The following SHISA6 variants were observed in gnomAD, a reference collection of about 807,000 sequenced individuals.
SHISA6 encodes the protein protein shisa-6.
In SHISA6, 22 loss-of-function variants were observed where a neutral mutation model predicts 47.9. That is an observed-to-expected ratio of 0.46 (90% CI 0.33 to 0.66). SHISA6 has a LOEUF of 0.66. SHISA6 is among the 30% of genes least tolerant of loss of function. The probability of loss-of-function intolerance (pLI) is 0.02; values close to 1 mark genes in which losing one functional copy is unlikely to be tolerated. For missense variants in SHISA6, 680 were observed against 764.6 expected, an observed-to-expected ratio of 0.89 and a Z score of 1.30; for synonymous variants, 388 against 337.8, an observed-to-expected ratio of 1.15 and a Z score of -1.63.
intron 1 of SHISA6, among the ~76,000 whole-genome samples, chr17:11,251,254 A>AG (rs77760069): frequency 0.97 from 148,149 of 152,082 alleles, 72,282 homozygotes; most frequent in East Asian, 1. Context: ...CCTACCTATG[A>AG]GGGCTCTGTG....
chr17:11,492,007 G>T (rs1221433819), intron 3 of SHISA6, among the ~76,000 whole-genome samples: 2 of 152,106 alleles, frequency 1.3e-5, no homozygotes, highest in Non-Finnish European at 2.9e-5. Flanking sequence ...TTGACCTCAT[G>T]ATCCACCCTC....
chr17:11,402,111 T>G (rs573616517), intron 3 of SHISA6, among the ~76,000 whole-genome samples: 1 of 152,284 alleles, frequency 6.6e-6, no homozygotes, highest in East Asian at 1.9e-4. Flanking sequence ...TAGGCTGCAG[T>G]TCTACTCTCT....
chr17:11,397,818 G>A (rs904548891), intron 3 of SHISA6, among the ~76,000 whole-genome samples: 5 of 151,868 alleles, frequency 3.3e-5, no homozygotes, highest in East Asian at 1.9e-4. Context: ...TGATGATTCC[G>A]AGTACATTTT....
At chr17:11,320,669 A>AAGAGAG (rs59186157) in intron 2 of SHISA6, among the ~76,000 whole-genome samples, 1 of 48,938 alleles carries the variant, frequency 2.0e-5, no homozygotes, top group Non-Finnish European at 6.2e-5. Flanking sequence ...CAAAAAAAAA[A>AAGAGAG]AGAGAGAGAG....
intron 3 of SHISA6, among the ~76,000 whole-genome samples, chr17:11,445,891 AAT>A (rs1915216448): frequency 6.6e-6 from 1 of 152,142 alleles, no homozygotes; most frequent in Non-Finnish European, 1.5e-5. Flanking sequence ...GCAGTGGTGC[AAT>A]CTTGGCTCAC....
At chr17:11,495,477 C>T (rs2908974) in intron 3 of SHISA6, among the ~76,000 whole-genome samples, 60,468 of 151,838 alleles carry the variant, frequency 0.4, 12,065 homozygotes, top group East Asian at 0.53. Context: ...TGCAGAGGGG[C>T]ATGGCTGGCC....
chr17:11,552,086 G>A lies in SHISA6; in HGVS notation c.952+134G>A. 4.5e-6 allele frequency: 4 copies of A among 898,196 alleles called. No homozygotes were observed. In the East Asian group the frequency reaches 1.1e-4, roughly 24 times the overall value. The allele number at this position is 898,196 out of a possible 1,614,324, so 55.6% of individuals were successfully genotyped here. A position where few individuals can be genotyped will look rare whatever the true frequency, so the allele number is the denominator to read the frequency against. On this transcript the variant is annotated intron_variant, in intron 4 of 5. Coordinates refer to ENST00000441885, the MANE Select transcript of SHISA6 (RefSeq NM_207386.4). Reference sequence around the variant, plus strand: ...GCTAAGGAGGTCCAAGGAGCCACAGGCTCGCCCTCCTCCAGGGCCACAATG... The same window carrying A: ...GCTAAGGAGGTCCAAGGAGCCACAGACTCGCCCTCCTCCAGGGCCACAATG...
At chr17:11,347,442 C>A (rs1911737614) in intron 2 of SHISA6, among the ~76,000 whole-genome samples, 3 of 152,112 alleles carry the variant, frequency 2.0e-5, no homozygotes, top group Admixed American at 1.3e-4. Flanking sequence ...TTAGAGAGAA[C>A]CTTTTCAATT....
intron 3 of SHISA6, among the ~76,000 whole-genome samples, chr17:11,432,302 C>T (rs1914802510): frequency 6.6e-6 from 1 of 152,178 alleles, no homozygotes; most frequent in Non-Finnish European, 1.5e-5. Context: ...TCCTCTGAGT[C>T]AGTGAGAATG....
intron 4 of SHISA6, among the ~76,000 whole-genome samples, 153 bp downstream of exon 4, chr17:11,552,105 C>T (rs775712066): frequency 3.3e-5 from 5 of 152,146 alleles, no homozygotes; most frequent in Non-Finnish European, 7.3e-5. Flanking sequence ...CCTCCAGGGC[C>T]ACAATGCTCT....
chr17:11,499,675 T>C (rs150495979), intron 3 of SHISA6, among the ~76,000 whole-genome samples: 244 of 142,428 alleles, frequency 1.7e-3, no homozygotes, highest in African/African-American at 6.2e-3. Context: ...AATCTATTCT[T>C]TTTCTTTCTT....
chr17:11,325,746 A>G lies in SHISA6; in HGVS notation c.800-53668A>G, dbSNP rs190174480. 3.8e-3 allele frequency among the ~76,000 whole-genome samples: 577 copies of G among 152,080 alleles called. 4 individuals are homozygous for G. Among genetic ancestry groups the G allele is most frequent in the South Asian group, 0.014 (66 of 4,796 alleles). ...TCAAGAGACATTGATTTGGGTAGCT[A>G]AACTGGGAAAAATTACTTCCTCCCT... On this transcript the variant is annotated intron_variant, in intron 2 of 5. Transcript: ENST00000441885.
chr17:11,537,114 T>C (rs2071794549), intron 3 of SHISA6, among the ~76,000 whole-genome samples: 1 of 141,308 alleles, frequency 7.1e-6, no homozygotes, highest in Non-Finnish European at 1.6e-5. Flanking sequence ...TCAAGCAGAA[T>C]TGAAAATGAA....
At chr17:11,502,237 G>A (rs1431325638) in intron 3 of SHISA6, among the ~76,000 whole-genome samples, 6 of 149,798 alleles carry the variant, frequency 4.0e-5, no homozygotes, top group African/African-American at 1.2e-4. Context: ...GTGAAACCCC[G>A]TCTCTACTAA....
intron 3 of SHISA6, among the ~76,000 whole-genome samples, chr17:11,428,837 T>G (rs1597508587): frequency 6.9e-6 from 1 of 144,324 alleles, no homozygotes; most frequent in African/African-American, 2.6e-5. Flanking sequence ...CAGGCTGGAG[T>G]GCAGTGGCAC....
chr17:11,495,603 C>T (rs572765475), intron 3 of SHISA6, among the ~76,000 whole-genome samples: 1 of 152,306 alleles, frequency 6.6e-6, no homozygotes, highest in South Asian at 2.1e-4. Context: ...CTTAGGGTGG[C>T]TGCCTACCAG....
chr17:11,336,797 C>T (rs1911337207), intron 2 of SHISA6, among the ~76,000 whole-genome samples: 1 of 152,176 alleles, frequency 6.6e-6, no homozygotes. Context: ...GGAGCCGGCA[C>T]ATTGTGATAC....
chr17:11,317,657 C>T (rs1052870767), intron 2 of SHISA6, among the ~76,000 whole-genome samples: 1 of 151,352 alleles, frequency 6.6e-6, no homozygotes, highest in Non-Finnish European at 1.5e-5. Flanking sequence ...TACTTGGGTG[C>T]CTGTCTGCCT....
intron 3 of SHISA6, among the ~76,000 whole-genome samples, chr17:11,534,902 G>T (rs1017065586): frequency 1.3e-5 from 2 of 152,102 alleles, no homozygotes; most frequent in African/African-American, 4.8e-5. Context: ...GGCCAAGGAG[G>T]GTGGATCACG....
Sources: gnomAD v4.1 joint callset for allele counts (sites outside exome capture counted in the v4.1 genomes callset) on GRCh38, gnomAD v4.1.1 for gene constraint, MANE v1.5 for transcripts, NCBI Gene and HGNC (gene_info 2026-07-23, HGNC 2026-07-21) for gene names.